The following ZDHHC14 variants were observed in gnomAD, a reference collection of about 807,000 sequenced individuals.
The protein encoded by ZDHHC14 is zDHHC palmitoyltransferase 14.
In ZDHHC14, 16 loss-of-function variants were observed where a neutral mutation model predicts 47.7. The ratio of observed to expected loss-of-function variants is 0.34; its 90% CI spans 0.23 to 0.51. ZDHHC14 has a LOEUF of 0.51. Among genes scored for constraint, ZDHHC14 ranks in the 20% least tolerant of loss-of-function variants. ZDHHC14 has a pLI of 0.97. For synonymous variants in ZDHHC14, 293 were observed against 278.9 expected, an observed-to-expected ratio of 1.05 and a Z score of -0.50; for missense variants, 515 against 662.5, an observed-to-expected ratio of 0.78 and a Z score of 2.44.
At chr6:157,538,806 T>G (rs1195620144) in intron 1 of ZDHHC14, among the ~76,000 whole-genome samples, 1 of 152,132 alleles carries the variant, frequency 6.6e-6, no homozygotes, top group Non-Finnish European at 1.5e-5. Flanking sequence ...AGCATCAACA[T>G]GCTGAATGGG....
At chr6:157,386,028 T>C (rs1353484420) in intron 1 of ZDHHC14, among the ~76,000 whole-genome samples, 1 of 152,200 alleles carries the variant, frequency 6.6e-6, no homozygotes, top group Non-Finnish European at 1.5e-5. Flanking sequence ...TACGGTATAC[T>C]GTGTACCAGT....
At chr6:157,549,105 C>A (rs982444304) in intron 2 of ZDHHC14, among the ~76,000 whole-genome samples, 3 of 152,204 alleles carry the variant, frequency 2.0e-5, no homozygotes, top group Admixed American at 2.0e-4. Context: ...GTGCTCTTAC[C>A]CGCTGCACAG....
intron 1 of ZDHHC14, among the ~76,000 whole-genome samples, chr6:157,520,243 C>T (rs763812854): frequency 6.6e-6 from 1 of 152,308 alleles, no homozygotes; most frequent in African/African-American, 2.4e-5. Flanking sequence ...AGCTGTCATT[C>T]CCCCTCTGCT....
In ZDHHC14 at chr6:157,470,446, G is replaced by A. The variant is rs1372951106; in HGVS notation, c.246-72139G>A. Among the ~76,000 whole-genome samples, 9 of 152,268 alleles carry A rather than the reference G, an allele frequency of 5.9e-5. No homozygotes were observed. In the East Asian group the frequency reaches 1.5e-3, roughly 26 times the overall value. On this transcript the variant is annotated intron_variant, in intron 1 of 8. Transcript: ENST00000359775. ...GTTATGCAGCTATAAAAATAATAAG[G>A]AAGATTATGTATCAACATGTAAAAT...
chr6:157,538,428 G>A (rs769141947), intron 1 of ZDHHC14, among the ~76,000 whole-genome samples: 1 of 152,218 alleles, frequency 6.6e-6, no homozygotes, highest in Non-Finnish European at 1.5e-5. Flanking sequence ...TGGTTGCTGA[G>A]GGTATGGGTG....
chr6:157,650,037 G>A (rs1044620433), intron 7 of ZDHHC14, among the ~76,000 whole-genome samples: 4 of 151,064 alleles, frequency 2.6e-5, no homozygotes, highest in South Asian at 2.1e-4. Flanking sequence ...GGGGGTGCAC[G>A]GGAGAGGGGC....
rs1305899850 is a variant in ZDHHC14 at position 157,381,329 on chromosome 6, C to T, written c.-693C>T. 6.6e-6 allele frequency: 1 copy of T among 151,776 alleles called. No homozygotes were observed. Among genetic ancestry groups the T allele is most frequent in the African/African-American group, 2.4e-5 (1 of 41,132 alleles). The allele number at this position is 151,776 out of a possible 1,614,324, so 9.4% of individuals were successfully genotyped here. A position where few individuals can be genotyped will look rare whatever the true frequency, so the allele number is the denominator to read the frequency against. On this transcript the variant is annotated 5_prime_UTR_variant, in exon 1 of 9. Transcript: ENST00000359775. ...GCCGCCCTCGGCCCGCGCATCCCCG[C>T]GCGGGGGCCGCGGATTCGACTAGGC... is the stretch of plus-strand genomic sequence containing the variant.
At chr6:157,593,980 C>G (rs1346147492) in intron 3 of ZDHHC14, among the ~76,000 whole-genome samples, 1 of 152,228 alleles carries the variant, frequency 6.6e-6, no homozygotes, top group African/African-American at 2.4e-5. Context: ...TGGCCTGCCT[C>G]TAGCGGAAGT....
chr6:157,627,919 A>C (rs1249102104), intron 3 of ZDHHC14, among the ~76,000 whole-genome samples: 1 of 152,168 alleles, frequency 6.6e-6, no homozygotes, highest in Non-Finnish European at 1.5e-5. Flanking sequence ...CTCTATGGCC[A>C]TTTACTATGC....
intron 8 of ZDHHC14, among the ~76,000 whole-genome samples, chr6:157,664,140 GCTCTGTGCTTTTTC>G (rs1379319555): frequency 6.6e-6 from 1 of 152,146 alleles, no homozygotes; most frequent in African/African-American, 2.4e-5. Flanking sequence ...GGTCCCTGAG[GCTCTGTGCTTTTTC>G]CTTCAATATC....
In ZDHHC14 at chr6:157,381,999, C is replaced by T. The variant is rs750315208; in HGVS notation, c.-23C>T. ...GCCGGGGGGCTCCTGGGGGTGTGCG[C>T]CCCCAGCCGGCTGCCCTCGTGGATG... On this transcript the variant is annotated 5_prime_UTR_variant, in exon 1 of 9. Transcript: ENST00000359775. The T allele has an allele frequency of 4.4e-6, 6 of 1,372,842 alleles. No homozygotes were observed. In the East Asian group the frequency reaches 1.6e-4, roughly 36 times the overall value. 85.0% of individuals were successfully genotyped at this position (1,372,842 alleles called of 1,614,324 possible).
At chr6:157,652,601 C>A (rs1211292546) in intron 7 of ZDHHC14, among the ~76,000 whole-genome samples, 1 of 152,220 alleles carries the variant, frequency 6.6e-6, no homozygotes, top group Admixed American at 6.5e-5. Context: ...CCGTAGAGTA[C>A]AGAAACAGAT....
At chr6:157,652,829 A>T (rs1313517505) in intron 7 of ZDHHC14, among the ~76,000 whole-genome samples, 2 of 152,182 alleles carry the variant, frequency 1.3e-5, no homozygotes, top group Non-Finnish European at 2.9e-5. Context: ...GCCAGGTACC[A>T]TGGGGGGCCA....
At chr6:157,644,737 C>T (rs553372479) in intron 5 of ZDHHC14, among the ~76,000 whole-genome samples, 3 of 152,280 alleles carry the variant, frequency 2.0e-5, no homozygotes, top group Non-Finnish European at 4.4e-5. Context: ...GGAGAGCAGG[C>T]GCGTTTCTTT....
At chr6:157,406,585 TA>T (rs1237427294) in intron 1 of ZDHHC14, among the ~76,000 whole-genome samples, 1 of 152,210 alleles carries the variant, frequency 6.6e-6, no homozygotes, top group Admixed American at 6.5e-5. Flanking sequence ...CACCTTCAGG[TA>T]AATGTAAGAA....
At chr6:157,442,737 C>T (rs1487488783) in intron 1 of ZDHHC14, among the ~76,000 whole-genome samples, 1 of 152,228 alleles carries the variant, frequency 6.6e-6, no homozygotes, top group African/African-American at 2.4e-5. Flanking sequence ...CCAGCAGACG[C>T]CTCCTGAAGA....
chr6:157,496,118 GT>G (rs1260431085), intron 1 of ZDHHC14, among the ~76,000 whole-genome samples: 1 of 152,194 alleles, frequency 6.6e-6, no homozygotes, highest in Non-Finnish European at 1.5e-5. Flanking sequence ...TCCTGATAAA[GT>G]GGATTCTTCC....
chr6:157,396,484 G>A (rs1243920304), intron 1 of ZDHHC14, among the ~76,000 whole-genome samples: 1 of 152,164 alleles, frequency 6.6e-6, no homozygotes, highest in Non-Finnish European at 1.5e-5. Flanking sequence ...GCTATATATG[G>A]TCTATTTGTC....
intron 2 of ZDHHC14, among the ~76,000 whole-genome samples, chr6:157,570,279 T>C (rs1783048204): frequency 6.6e-6 from 1 of 152,246 alleles, no homozygotes; most frequent in African/African-American, 2.4e-5. Flanking sequence ...TAGCGTGGTA[T>C]CCAGTGTCCA....
Sources: gnomAD v4.1 joint callset for allele counts (sites outside exome capture counted in the v4.1 genomes callset) on GRCh38, gnomAD v4.1.1 for gene constraint, MANE v1.5 for transcripts, NCBI Gene and HGNC (gene_info 2026-07-23, HGNC 2026-07-21) for gene names.